PIK3R2: variants seen among roughly 807,000 people sequenced by gnomAD.
PIK3R2 encodes the protein phosphatidylinositol 3-kinase regulatory subunit beta.
Under a neutral mutation model 78.5 loss-of-function variants are expected in PIK3R2, and 40 were observed. The ratio of observed to expected loss-of-function variants is 0.51; its 90% CI spans 0.40 to 0.66. PIK3R2 has a LOEUF of 0.66. Among genes scored for constraint, PIK3R2 ranks in the 30% least tolerant of loss-of-function variants. The probability of loss-of-function intolerance (pLI) is 0.00; values close to 1 mark genes in which losing one functional copy is unlikely to be tolerated. For synonymous variants in PIK3R2, 473 were observed against 457.7 expected (o/e 1.03, Z -0.43); for missense variants, 880 against 1,026.6 (o/e 0.86, Z 1.95).
intron 1 of PIK3R2, among the ~76,000 whole-genome samples, chr19:18,154,230 C>A (rs115201929): frequency 0.022 from 3,369 of 152,210 alleles, 119 homozygotes; most frequent in African/African-American, 0.075. Context: ...ACCCGCAGGG[C>A]TAGGCTGGGA....
At position 18,161,472 on chromosome 19, in the gene PIK3R2, G is replaced by A. The variant is rs1268135705; in HGVS notation, c.792G>A (p.Pro264=). Residue 264 remains proline, a synonymous_variant, in exon 6 of 16, where the codon CCG becomes CCA. Coordinates refer to ENST00000222254, the MANE Select transcript of PIK3R2 (RefSeq NM_005027.4). The surrounding 1 kb of genome is among the most constrained non-coding windows in gnomAD (Gnocchi z 5.3). ...GCGCGCCGCCGCCGCCGTCCTCGCC[G>A]CCGCCAGGGGGCGCTCCCGACGGGT... ...LLRAPPPPSS[P]PPGGAPDGSE... is the part of the protein sequence containing the mutation. The A allele has an allele frequency of 1.7e-6, 2 of 1,180,532 alleles. No individual in the cohort carries two copies. Among genetic ancestry groups the A allele is most frequent in the Admixed American group, 4.5e-5 (1 of 22,192 alleles). The allele number at this position is 1,180,532 out of a possible 1,614,324, so 73.1% of individuals were successfully genotyped here.
rs538296717 is a variant in PIK3R2 at position 18,168,087 on chromosome 19, T to C, written c.1737-388T>C. 1.3e-5 allele frequency among the ~76,000 whole-genome samples: 2 copies of C among 152,258 alleles called. No homozygotes were observed. Among genetic ancestry groups the C allele is most frequent in the Admixed American group, 6.5e-5 (1 of 15,302 alleles). ...TGCTCGTTATGAGTTCATTTGGTCCTTTTCAAGCCCTTTGTAAAGTTTGCC... is the reference window on the plus strand; with the variant it reads ...TGCTCGTTATGAGTTCATTTGGTCCCTTTCAAGCCCTTTGTAAAGTTTGCC... On this transcript the variant is annotated intron_variant, in intron 13 of 15. Coordinates refer to ENST00000222254, the MANE Select transcript of PIK3R2 (RefSeq NM_005027.4). This position sits in a 1 kb window ranked among gnomAD's most constrained non-coding sequence, Gnocchi z 4.1.
Position 18,161,422 on chromosome 19 carries a change from G to A in PIK3R2, c.742G>A (p.Ala248Thr). Residue 248 changes from alanine to threonine, a missense_variant, in exon 6 of 16, where the codon GCC becomes ACC. By Grantham distance (58) the Ala-to-Thr change is moderately conservative (BLOSUM62 0). Transcript: ENST00000222254. This position sits in a 1 kb window ranked among gnomAD's most constrained non-coding sequence, Gnocchi z 5.3. ...GGGTCCCGCGGTCCGGGCCCTGGGC[G>A]CCACCTTTGGGCCGCTGCTGCTGCG... ...ALGPAVRALGATFGPLLLRAP... is the reference protein window; with the variant it reads ...ALGPAVRALGTTFGPLLLRAP... 3.3e-6 allele frequency: 4 copies of A among 1,212,920 alleles called. 1 individual carries two copies. Among genetic ancestry groups the A allele is most frequent in the Middle Eastern group, 6.6e-4 (2 of 3,052 alleles). 75.1% of individuals were successfully genotyped at this position (1,212,920 alleles called of 1,614,324 possible). A position where few individuals can be genotyped will look rare whatever the true frequency, so the allele number is the denominator to read the frequency against.
At chr19:18,162,369 C>T (rs377114023) in intron 8 of PIK3R2, 39 bp from the exon 9 acceptor site, 7 of 1,604,230 alleles carry the variant, frequency 4.4e-6, no homozygotes, top group Non-Finnish European at 6.0e-6. Flanking sequence ...GCGGGGTCTC[C>T]AGGTGGCTCG....
In PIK3R2 at chr19:18,169,368, G is replaced by A. The variant is rs920972985; in HGVS notation, c.*74G>A. 11 of 848,688 alleles carry A rather than the reference G, an allele frequency of 1.3e-5. No individual in the cohort carries two copies. The African/African-American group carries it at 2.0e-4, about 15-fold the overall frequency. The allele number at this position is 848,688 out of a possible 1,614,324, so 52.6% of individuals were successfully genotyped here. A position where few individuals can be genotyped will look rare whatever the true frequency, so the allele number is the denominator to read the frequency against. On this transcript the variant is annotated 3_prime_UTR_variant, in exon 16 of 16. Coordinates refer to ENST00000222254, the MANE Select transcript of PIK3R2 (RefSeq NM_005027.4). ...CGGAGGCTGCGGCGGCGGGAGCCAC[G>A]GACCAGACCAGCCACATCCAGGGGT...
chr19:18,165,513 CAA>C (rs1328465513), intron 11 of PIK3R2, among the ~76,000 whole-genome samples: 1 of 152,078 alleles, frequency 6.6e-6, no homozygotes, highest in Non-Finnish European at 1.5e-5. Context: ...GCCTGGGCGA[CAA>C]GAGCAAGACT....
intron 12 of PIK3R2, among the ~76,000 whole-genome samples, 160 bp from the exon 13 acceptor site, chr19:18,166,970 C>T (rs76069031): frequency 2.9e-4 from 44 of 151,688 alleles, no homozygotes; most frequent in Non-Finnish European, 5.2e-4. Flanking sequence ...TCTACCTCTA[C>T]AAAAAATATT....
At position 18,156,091 on chromosome 19, in the gene PIK3R2, C is replaced by T. The variant is rs1206869484; in HGVS notation, c.212C>T (p.Pro71Leu). The T allele has an allele frequency of 6.4e-7, 1 of 1,559,410 alleles. No individual in the cohort carries two copies. Among genetic ancestry groups the T allele is most frequent in the South Asian group, 1.2e-5 (1 of 84,932 alleles). The change falls in exon 2 of 16, where the codon CCT becomes CTT. Residue 71 changes from proline (P) to leucine (L), a missense_variant. Coordinates refer to ENST00000222254, the MANE Select transcript of PIK3R2 (RefSeq NM_005027.4). The surrounding 1 kb of genome is among the most constrained non-coding windows in gnomAD (Gnocchi z 4.2). ...NERTRQRGDF[P>L]GTYVEFLGPV... The stretch of plus-strand genomic sequence containing the variant: ...CGCACACGGCAGCGAGGTGACTTCC[C>T]TGGCACCTATGTGGAGTTCCTGGGG...
rs1216499874 is a variant in PIK3R2 at position 18,162,242 on chromosome 19, A to T, written c.942A>T (p.Thr314=). Residue 314 remains threonine, a synonymous_variant, in exon 8 of 16, where the codon ACA becomes ACT. Coordinates refer to ENST00000222254, the MANE Select transcript of PIK3R2 (RefSeq NM_005027.4). ...PKPPKAKPAS[T]VLANGGSPPS... is the part of the protein sequence containing the mutation. ...CCCCCAAGGCAAAGCCGGCCTCCAC[A>T]GTCCTGGCCAATGGAGGGAGCCCAC... is the stretch of plus-strand genomic sequence containing the variant. 4 of 1,608,606 alleles carry T rather than the reference A, an allele frequency of 2.5e-6. No individual in the cohort carries two copies. The highest frequency in any genetic ancestry group is 3.3e-5 in the Admixed American group (2 of 59,926).
chr19:18,166,699 G>A (rs1161958752), intron 12 of PIK3R2, among the ~76,000 whole-genome samples: 3 of 126,174 alleles, frequency 2.4e-5, no homozygotes, highest in Non-Finnish European at 3.3e-5. Flanking sequence ...GACAGAGAAA[G>A]ACTGTCTCAA....
intron 1 of PIK3R2, among the ~76,000 whole-genome samples, chr19:18,154,565 T>C (rs1020883093): frequency 3.3e-5 from 5 of 152,294 alleles, no homozygotes; most frequent in African/African-American, 1.2e-4. Flanking sequence ...TCAGCTGGCC[T>C]GACCCCTCTA....
At chr19:18,155,314 T>C (rs770684286) in intron 1 of PIK3R2, 143 bp from the exon 2 acceptor site, 7 of 294,010 alleles carry the variant, frequency 2.4e-5, no homozygotes, top group Non-Finnish European at 2.5e-5. Flanking sequence ...ATTTTACAGA[T>C]AGAGAAGCTG....
chr19:18,168,287 A>G lies in PIK3R2; in HGVS notation c.1737-188A>G, dbSNP rs1373671089. Among the ~76,000 whole-genome samples, 1 of 152,192 alleles carries G rather than the reference A, an allele frequency of 6.6e-6. No individual in the cohort carries two copies. Among genetic ancestry groups the G allele is most frequent in the African/African-American group, 2.4e-5 (1 of 41,452 alleles). ...GGGGTGTGGGTCAGGGTTCCCCAGC[A>G]GAGCTGGGCGAGCCACCCTGGGTTC... is the stretch of plus-strand genomic sequence containing the variant. On this transcript the variant is annotated intron_variant, in intron 13 of 15. Transcript: ENST00000222254. This position sits in a 1 kb window ranked among gnomAD's most constrained non-coding sequence, Gnocchi z 4.1.
Position 18,169,271 on chromosome 19 carries a change from G to GGCCC in PIK3R2, c.2168_2171dup (p.Pro725AlafsTer87), listed in dbSNP as rs1568640736. 6.6e-7 allele frequency: 1 copy of GGCCC among 1,519,390 alleles called. No homozygotes were observed. The highest frequency in any genetic ancestry group is 1.2e-5 in the South Asian group (1 of 82,910). The allele number at this position is 1,519,390 out of a possible 1,614,324, so 94.1% of individuals were successfully genotyped here. On this transcript the variant is annotated frameshift_variant, in exon 16 of 16. Coordinates refer to ENST00000222254, the MANE Select transcript of PIK3R2 (RefSeq NM_005027.4). LOFTEE classifies it high-confidence loss of function. ...GCACCCAGTGCGCGCCCCGGGCCCC[G>GGCCC]GCCCGCCGCCTGCCGCCCGCTGAGC...
At chr19:18,166,403 A>G in intron 12 of PIK3R2, 101 bp downstream of exon 12, 3 of 955,078 alleles carry the variant, frequency 3.1e-6, no homozygotes, top group Non-Finnish European at 4.8e-6. Flanking sequence ...TTGGAGGCAA[A>G]GAGTAGTCTG....
Position 18,161,866 on chromosome 19 carries a change from C to CGT in PIK3R2, c.816-99_816-98dup. 1.0e-6 allele frequency: 1 copy of CGT among 957,594 alleles called. No homozygotes were observed. Among genetic ancestry groups the CGT allele is most frequent in the Non-Finnish European group, 1.7e-6 (1 of 599,586 alleles). 59.3% of individuals were successfully genotyped at this position (957,594 alleles called of 1,614,324 possible). A position where few individuals can be genotyped will look rare whatever the true frequency, so the allele number is the denominator to read the frequency against. On this transcript the variant is annotated intron_variant, in intron 6 of 15. Transcript: ENST00000222254. This position sits in a 1 kb window ranked among gnomAD's most constrained non-coding sequence, Gnocchi z 5.3. Reference sequence around the variant, plus strand: ...CTCCTCCGCCCTGCACATACTGTCTCGTATATACCCCCAGGCGTGCAAGCG... The same window carrying CGT: ...CTCCTCCGCCCTGCACATACTGTCTCGTGTATATACCCCCAGGCGTGCAAGCG...
intron 12 of PIK3R2, among the ~76,000 whole-genome samples, chr19:18,166,707 C>CAAA (rs34888009): frequency 6.1e-5 from 5 of 81,658 alleles, no homozygotes; most frequent in Admixed American, 1.3e-4. Context: ...AAGACTGTCT[C>CAAA]AAAAAAAAAA....
chr19:18,168,195 T>C lies in PIK3R2; in HGVS notation c.1737-280T>C, dbSNP rs535335182. ...CAGTGCTGGAGTGAGCCTCTGGTGA[T>C]GATGAGGGGCCTGGGCTGGCATCTT... is the stretch of plus-strand genomic sequence containing the variant. On this transcript the variant is annotated intron_variant, in intron 13 of 15. Transcript: ENST00000222254. The surrounding 1 kb of genome is among the most constrained non-coding windows in gnomAD (Gnocchi z 4.1). 1.0e-3 allele frequency among the ~76,000 whole-genome samples: 157 copies of C among 152,210 alleles called. 1 individual carries two copies. The highest frequency in any genetic ancestry group is 3.6e-3 in the African/African-American group (151 of 41,538).
chr19:18,164,188 G>C (rs1274199928), intron 11 of PIK3R2, among the ~76,000 whole-genome samples: 1 of 151,762 alleles, frequency 6.6e-6, no homozygotes, highest in Non-Finnish European at 1.5e-5. Flanking sequence ...ACCAAAAAAG[G>C]ACAGATGAGA....
Sources: allele counts gnomAD v4.1 joint callset (sites outside exome capture counted in the v4.1 genomes callset), GRCh38; gene constraint gnomAD v4.1.1; non-coding constraint Gnocchi (gnomAD v3.1); transcripts MANE v1.5; gene names NCBI Gene and HGNC (gene_info 2026-07-23, HGNC 2026-07-21).